The following AP5M1 variants were observed in gnomAD, a reference collection of about 807,000 sequenced individuals.
AP5M1 encodes the protein AP-5 complex subunit mu-1.
A neutral mutation model predicts 52.3 loss-of-function variants in AP5M1; 44 were observed. That is an observed-to-expected ratio of 0.84 (90% CI 0.66 to 1.08). The LOEUF is 1.08. Ranked by LOEUF, AP5M1 falls within the 50% of genes least tolerant of loss-of-function variation. AP5M1 has a pLI of 0.00. For missense variants in AP5M1, 526 were observed against 568.4 expected, an observed-to-expected ratio of 0.93 and a Z score of 0.76; for synonymous variants, 213 against 199.0, an observed-to-expected ratio of 1.07 and a Z score of -0.59.
At position 57,297,712 on chromosome 14, in the gene AP5M1, T is replaced by C. The variant is rs566481156; in HGVS notation, c.*8828T>C. 6.6e-6 allele frequency: 1 copy of C among 152,214 alleles called. No individual in the cohort carries two copies. The highest frequency in any genetic ancestry group is 2.4e-5 in the African/African-American group (1 of 41,528). The allele number at this position is 152,214 out of a possible 1,614,324, so 9.4% of individuals were successfully genotyped here. A position where few individuals can be genotyped will look rare whatever the true frequency, so the allele number is the denominator to read the frequency against. On this transcript the variant is annotated 3_prime_UTR_variant, in exon 8 of 8. Transcript: ENST00000261558. ...AACTTCTTGTGGACAATGACATTCA[T>C]TTTCATACCTTTATATTTCCAGTGC...
intron 2 of AP5M1, chr14:57,275,134 C>A: frequency 2.0e-6 from 1 of 506,464 alleles, no homozygotes; most frequent in Non-Finnish European, 3.5e-6. Flanking sequence ...TTCATAGTTT[C>A]TGTAGGGATT....
At chr14:57,274,943 A>G (rs758677663) in intron 2 of AP5M1, 54 bp downstream of exon 2, 33 of 1,588,912 alleles carry the variant, frequency 2.1e-5, no homozygotes, top group Middle Eastern at 3.4e-4. Flanking sequence ...TATGGAGAAA[A>G]GTTAAATTTG....
intron 2 of AP5M1, among the ~76,000 whole-genome samples, chr14:57,276,824 GAA>G (rs1159908277): frequency 1.3e-5 from 2 of 152,120 alleles, no homozygotes; most frequent in Non-Finnish European, 2.9e-5. Context: ...TAAGTGGGGA[GAA>G]AATGGGGCTA....
At chr14:57,286,160 A>G (rs1173109202) in intron 6 of AP5M1, 63 bp from the exon 7 acceptor site, 1 of 1,155,836 alleles carries the variant, frequency 8.7e-7, no homozygotes, top group Non-Finnish European at 1.3e-6. Context: ...TAAGGGAAAA[A>G]ATGTAACCAT....
rs781468081 is a variant in AP5M1 at position 57,283,139 on chromosome 14, T to C, written c.1202T>C (p.Ile401Thr). ...IGQKFPKSME[I>T]SLSGTVTFGA... ...CAGAAGTTCCCAAAATCAATGGAAA[T>C]TAGTCTTTCTGGAACTGTAACTTTT... The change falls in exon 6 of 8, where the codon ATT (isoleucine) becomes ACT (threonine). Residue 401 changes from isoleucine to threonine, a missense_variant. Physicochemically the swap from Ile to Thr is moderately conservative, Grantham distance 89. Transcript: ENST00000261558. The C allele has an allele frequency of 1.4e-5, 22 of 1,613,124 alleles. No homozygotes were observed. Among genetic ancestry groups the C allele is most frequent in the Non-Finnish European group, 1.9e-5 (22 of 1,179,752 alleles).
At position 57,294,586 on chromosome 14, in the gene AP5M1, T is replaced by A. The variant is rs1448637169; in HGVS notation, c.*5702T>A. On this transcript the variant is annotated 3_prime_UTR_variant, in exon 8 of 8. Transcript: ENST00000261558. Reference sequence around the variant, plus strand: ...TTATTAATTTGCCAGTGGTTGAAGTTGGAGTTTCTTTTCTCCACTGGTTTT... The same window carrying A: ...TTATTAATTTGCCAGTGGTTGAAGTAGGAGTTTCTTTTCTCCACTGGTTTT... 1 of 151,922 alleles carries A rather than the reference T, an allele frequency of 6.6e-6. No individual in the cohort carries two copies. The highest frequency in any genetic ancestry group is 2.4e-5 in the African/African-American group (1 of 41,424). 9.4% of individuals were successfully genotyped at this position (151,922 alleles called of 1,614,324 possible). A position where few individuals can be genotyped will look rare whatever the true frequency, so the allele number is the denominator to read the frequency against.
In AP5M1 at chr14:57,286,732, C is replaced by T. The variant is rs569095160; in HGVS notation, c.1390+413C>T. 9.2e-5 allele frequency among the ~76,000 whole-genome samples: 14 copies of T among 152,034 alleles called. No homozygotes were observed. In the South Asian group the frequency reaches 2.3e-3, roughly 25 times the overall value. ...TGTGTATAAAATGGAAATAATAGTG[C>T]GATTTACCTCAGGATTGTTATGAGG... On this transcript the variant is annotated intron_variant, in intron 7 of 7. Transcript: ENST00000261558.
chr14:57,286,532 A>G, intron 7 of AP5M1: 1 of 439,652 alleles, frequency 2.3e-6, no homozygotes, highest in Admixed American at 4.0e-5. Flanking sequence ...ATAAGCAAAG[A>G]TTGGGATAGA....
At chr14:57,284,739 T>C (rs886109006) in intron 6 of AP5M1, among the ~76,000 whole-genome samples, 10 of 152,206 alleles carry the variant, frequency 6.6e-5, no homozygotes, top group Admixed American at 5.9e-4. Context: ...GGTAGAGACG[T>C]GAATCTCATT....
Position 57,298,322 on chromosome 14 carries a change from T to C in AP5M1, c.*9438T>C, listed in dbSNP as rs185642010. 198 of 152,280 alleles carry C rather than the reference T, an allele frequency of 1.3e-3. No individual in the cohort carries two copies. The highest frequency in any genetic ancestry group is 4.6e-3 in the African/African-American group (192 of 41,568). The allele number at this position is 152,280 out of a possible 1,614,324, so 9.4% of individuals were successfully genotyped here. A position where few individuals can be genotyped will look rare whatever the true frequency, so the allele number is the denominator to read the frequency against. On this transcript the variant is annotated 3_prime_UTR_variant, in exon 8 of 8. Transcript: ENST00000261558. ...GTTCCAAGTGATTATTTAGAACATT[T>C]CCATTAACCATAAAGGCAAAGTGGT... is the stretch of plus-strand genomic sequence containing the variant.
chr14:57,280,848 C>G lies in AP5M1; in HGVS notation c.948+426C>G, dbSNP rs377759214. On this transcript the variant is annotated intron_variant, in intron 3 of 7. Coordinates refer to ENST00000261558, the MANE Select transcript of AP5M1 (RefSeq NM_018229.4). ...CCTGGGCGACAGAGTGAGACTCCAT[C>G]TCAAAAAAAAAAAAAAGATTCACTT... Among the ~76,000 whole-genome samples the G allele has an allele frequency of 6.1e-5, 9 of 147,386 alleles. No homozygotes were observed. The East Asian group carries it at 1.6e-3, about 26-fold the overall frequency.
chr14:57,288,061 C>T (rs1885349698), intron 7 of AP5M1, among the ~76,000 whole-genome samples: 1 of 151,880 alleles, frequency 6.6e-6, no homozygotes, highest in African/African-American at 2.4e-5. Flanking sequence ...ATTGTTACTG[C>T]GTTCTCAAAC....
In AP5M1 at chr14:57,290,168, A is replaced by G. The variant is rs1364811720; in HGVS notation, c.*1284A>G. On this transcript the variant is annotated 3_prime_UTR_variant, in exon 8 of 8. Transcript: ENST00000261558. ...GAAGAAAGCATGATAGTTTAAAGGTATAGGGCATATAAATTTAGGATTTGA... is the reference window on the plus strand; with the variant it reads ...GAAGAAAGCATGATAGTTTAAAGGTGTAGGGCATATAAATTTAGGATTTGA... 3.3e-5 allele frequency: 5 copies of G among 152,024 alleles called. No homozygotes were observed. The highest frequency in any genetic ancestry group is 9.7e-5 in the African/African-American group (4 of 41,432). 9.4% of individuals were successfully genotyped at this position (152,024 alleles called of 1,614,324 possible). A position where few individuals can be genotyped will look rare whatever the true frequency, so the allele number is the denominator to read the frequency against.
intron 2 of AP5M1, among the ~76,000 whole-genome samples, chr14:57,275,932 T>C (rs2139687289): frequency 6.6e-6 from 1 of 152,360 alleles, no homozygotes; most frequent in South Asian, 2.1e-4. Context: ...TCTATCTTCC[T>C]TTATTCCCTG....
rs1399910466 is a variant in AP5M1 at position 57,274,864 on chromosome 14, A to G, written c.695A>G (p.Gln232Arg). 6.2e-7 allele frequency: 1 copy of G among 1,614,034 alleles called. No homozygotes were observed. Among genetic ancestry groups the G allele is most frequent in the Non-Finnish European group, 8.5e-7 (1 of 1,180,024 alleles). ...AAACAGGGTATAGCAGATACATGGC[A>G]AGTTGTTGGAACAGTGACTTGCAAG... is the stretch of plus-strand genomic sequence containing the variant. ...YDKQGIADTWQVVGTVTCKCD... is the reference protein window; with the variant it reads ...YDKQGIADTWRVVGTVTCKCD... The change falls in exon 2 of 8, where the codon CAA (glutamine) becomes CGA (arginine). Residue 232 changes from glutamine (Q) to arginine (R), a missense_variant. Coordinates refer to ENST00000261558, the MANE Select transcript of AP5M1 (RefSeq NM_018229.4).
chr14:57,274,252 C>T lies in AP5M1; in HGVS notation c.83C>T (p.Pro28Leu), dbSNP rs1279077446. 8.1e-6 allele frequency: 13 copies of T among 1,607,680 alleles called. No homozygotes were observed. Among genetic ancestry groups the T allele is most frequent in the Admixed American group, 1.7e-5 (1 of 59,248 alleles). Residue 28 changes from proline to leucine, a missense_variant, in exon 2 of 8, where the codon CCA (proline) becomes CTA (leucine). Pro to Leu is a moderately conservative substitution (Grantham distance 98). Coordinates refer to ENST00000261558, the MANE Select transcript of AP5M1 (RefSeq NM_018229.4). ...CTGTTTCCGTAATGCAGACGGTATC[C>T]AACTGTTGAAAAACGAGCCAGAGTC... ...CGTVRFSRRY[P>L]TVEKRARVFN...
rs780845161 is a variant in AP5M1, at chr14:57,280,404, A to G, written c.930A>G (p.Leu310=). 5.3e-5 allele frequency: 85 copies of G among 1,610,892 alleles called. No individual in the cohort carries two copies. The highest frequency in any genetic ancestry group is 7.2e-5 in the Non-Finnish European group (85 of 1,177,132). The change falls in exon 3 of 8, where the codon TTA becomes TTG. Residue 310 remains leucine, a synonymous_variant. Transcript: ENST00000261558. ...PFTPPLESFN[L]CFYTSQVPVP... ...CTCCACCTTTAGAGTCATTCAACTT[A>G]TGCTTCTACACTTCCCAGGTAACAA...
At chr14:57,282,866 T>C in intron 4 of AP5M1, 68 bp from the exon 5 acceptor site, 1 of 1,098,340 alleles carries the variant, frequency 9.1e-7, no homozygotes, top group Non-Finnish European at 1.3e-6. Flanking sequence ...AGTGGCCAAG[T>C]TTGACTTAGA....
rs1884819651 is a variant in AP5M1 at position 57,269,401 on chromosome 14, C to A, written c.74+13C>A. ...TGAGATTCTCCAGGTAAATGCAAAT[C>A]TGAATCCTCAGGGATGATGGATCAG... On this transcript the variant is annotated intron_variant, in intron 1 of 7. Coordinates refer to ENST00000261558, the MANE Select transcript of AP5M1 (RefSeq NM_018229.4). The A allele has an allele frequency of 6.2e-7, 1 of 1,613,676 alleles. No individual in the cohort carries two copies. The highest frequency in any genetic ancestry group is 2.2e-5 in the East Asian group (1 of 44,882).
Sources: allele counts gnomAD v4.1 joint callset (sites outside exome capture counted in the v4.1 genomes callset), GRCh38; gene constraint gnomAD v4.1.1; transcripts MANE v1.5; gene names NCBI Gene and HGNC (gene_info 2026-07-23, HGNC 2026-07-21).